ACER3: variants seen among roughly 807,000 people sequenced by gnomAD.
ACER3 encodes the protein alkCDase 3.
Under a neutral mutation model 48.9 loss-of-function variants are expected in ACER3, and 16 were observed. The ratio of observed to expected loss-of-function variants is 0.33; its 90% CI spans 0.22 to 0.50. ACER3 has a LOEUF of 0.50. Ranked by LOEUF, ACER3 falls within the 20% of genes least tolerant of loss-of-function variation. The pLI is 0.98. For missense variants in ACER3, 227 were observed against 326.0 expected (o/e 0.70, Z 2.34); for synonymous variants, 109 against 107.8 (o/e 1.01, Z -0.07).
chr11:76,964,874 GA>G (rs1948097059), intron 3 of ACER3, among the ~76,000 whole-genome samples: 1 of 151,256 alleles, frequency 6.6e-6, no homozygotes, highest in South Asian at 2.1e-4. Context: ...AAACAGAGCA[GA>G]AAAACTGGAA....
chr11:76,993,439 AT>A (rs1948843771), intron 6 of ACER3, among the ~76,000 whole-genome samples: 1 of 152,218 alleles, frequency 6.6e-6, no homozygotes, highest in African/African-American at 2.4e-5. Context: ...TCATTGTCTA[AT>A]CAGTAATACA....
At chr11:76,908,053 T>C (rs1387821917) in intron 1 of ACER3, among the ~76,000 whole-genome samples, 1 of 152,088 alleles carries the variant, frequency 6.6e-6, no homozygotes, top group Admixed American at 6.5e-5. Flanking sequence ...CTGGCCAACA[T>C]GGTGAAACCC....
intron 6 of ACER3, among the ~76,000 whole-genome samples, chr11:76,996,416 T>TATC: frequency 6.6e-6 from 1 of 151,108 alleles, no homozygotes; most frequent in Middle Eastern, 3.4e-3. Flanking sequence ...TTATTATTAT[T>TATC]ATTATTATTA....
At chr11:77,003,296 G>A (rs59296116) in intron 7 of ACER3, among the ~76,000 whole-genome samples, 3,126 of 152,118 alleles carry the variant, frequency 0.021, 110 homozygotes, top group African/African-American at 0.072. Flanking sequence ...GGTAGTTTGT[G>A]TTTCTTGAGG....
chr11:76,982,086 G>A (rs1048938927), intron 4 of ACER3, among the ~76,000 whole-genome samples: 10 of 151,942 alleles, frequency 6.6e-5, no homozygotes, highest in African/African-American at 2.2e-4. Flanking sequence ...TAGTGAGTAT[G>A]ATATACTATC....
rs150308081 is a variant in ACER3, at chr11:76,942,763, GTTC to G, written c.214+16102_214+16104del. On this transcript the variant is annotated intron_variant, in intron 2 of 10. Transcript: ENST00000532485. ...GTTAGTTTCAGGAGTATTGGTATTA[GTTC>G]TTCTTTGTATGTTTGGTAGAACTTG... Among the ~76,000 whole-genome samples the G allele has an allele frequency of 3.2e-3, 488 of 152,020 alleles. 7 individuals carry two copies. The East Asian group carries it at 0.051, about 16-fold the overall frequency.
At chr11:76,928,671 C>T (rs1946903710) in intron 2 of ACER3, among the ~76,000 whole-genome samples, 1 of 152,184 alleles carries the variant, frequency 6.6e-6, no homozygotes, top group South Asian at 2.1e-4. Context: ...TTTCAGCTTT[C>T]TACATATGGC....
chr11:77,018,648 C>T (rs982203156), intron 9 of ACER3, among the ~76,000 whole-genome samples: 7 of 152,208 alleles, frequency 4.6e-5, no homozygotes, highest in South Asian at 4.1e-4. Context: ...AGAGAACACA[C>T]GAATAGTGAA....
chr11:76,939,464 T>C (rs934393439), intron 2 of ACER3, among the ~76,000 whole-genome samples: 3 of 152,178 alleles, frequency 2.0e-5, no homozygotes, highest in African/African-American at 7.2e-5. Flanking sequence ...GGCATGGTGG[T>C]GCATGCCTGT....
At chr11:76,917,477 G>T (rs1485221769) in intron 1 of ACER3, among the ~76,000 whole-genome samples, 1 of 152,206 alleles carries the variant, frequency 6.6e-6, no homozygotes, top group Admixed American at 6.5e-5. Flanking sequence ...ACTTTGGGGG[G>T]CTGAGGTGGG....
chr11:76,889,589 A>G (rs1176253727), intron 1 of ACER3, among the ~76,000 whole-genome samples: 1 of 152,142 alleles, frequency 6.6e-6, no homozygotes, highest in East Asian at 1.9e-4. Flanking sequence ...GACTTTCACA[A>G]TCTGCCCTTT....
intron 1 of ACER3, among the ~76,000 whole-genome samples, chr11:76,870,318 G>C (rs1433597557): frequency 1.3e-5 from 2 of 151,022 alleles, no homozygotes; most frequent in East Asian, 1.9e-4. Flanking sequence ...TATTTTTGTA[G>C]AGATGAGGTC....
intron 10 of ACER3, 133 bp downstream of exon 10, chr11:77,019,909 A>C: frequency 1.1e-6 from 1 of 901,686 alleles, no homozygotes; most frequent in Non-Finnish European, 1.8e-6. Context: ...AAGGCTGTGA[A>C]TCTTTCATTT....
At chr11:76,942,392 G>A (rs1947361296) in intron 2 of ACER3, among the ~76,000 whole-genome samples, 1 of 151,714 alleles carries the variant, frequency 6.6e-6, no homozygotes, top group Non-Finnish European at 1.5e-5. Flanking sequence ...AGTTTTAATG[G>A]ATTTTTTTTT....
intron 3 of ACER3, among the ~76,000 whole-genome samples, chr11:76,972,715 G>A (rs1948337053): frequency 6.6e-6 from 1 of 152,194 alleles, no homozygotes; most frequent in Non-Finnish European, 1.5e-5. Context: ...GCCCCCAACT[G>A]GGCATTCTGA....
intron 5 of ACER3, among the ~76,000 whole-genome samples, chr11:76,989,961 GAAGCATAAGA>G (rs1948764752): frequency 6.6e-6 from 1 of 152,216 alleles, no homozygotes; most frequent in African/African-American, 2.4e-5. Flanking sequence ...GAGATTTCTG[GAAGCATAAGA>G]AAGCATAAGA....
rs1367163809 is a variant in ACER3, at chr11:76,976,307, A to G, written c.286A>G (p.Met96Val). 1.9e-6 allele frequency: 3 copies of G among 1,606,436 alleles called. No homozygotes were observed. The highest frequency in any genetic ancestry group is 4.5e-5 in the East Asian group (2 of 44,648). The change falls in exon 4 of 11, where the codon ATG (methionine) becomes GTG (valine). Residue 96 changes from methionine (M) to valine (V), a missense_variant. Physicochemically the swap from Met to Val is conservative, Grantham distance 21 (BLOSUM62 1). Coordinates refer to ENST00000532485, the MANE Select transcript of ACER3 (RefSeq NM_018367.7). ...CTTACAGCTATTGGATGAACTCCCA[A>G]TGATATACAGCTGTTGCATATTTGT... is the stretch of plus-strand genomic sequence containing the variant. The part of the protein sequence containing the change: ...YEMQLLDELP[M>V]IYSCCIFVYC...
At chr11:76,872,118 G>C (rs899317001) in intron 1 of ACER3, among the ~76,000 whole-genome samples, 1 of 144,790 alleles carries the variant, frequency 6.9e-6, no homozygotes, top group South Asian at 2.2e-4. Context: ...GCTCTGTCGC[G>C]GAGGCTGGAG....
chr11:76,929,199 A>C (rs1946923188), intron 2 of ACER3, among the ~76,000 whole-genome samples: 1 of 151,996 alleles, frequency 6.6e-6, no homozygotes, highest in Non-Finnish European at 1.5e-5. Context: ...TTGGATTCCT[A>C]GGTATTTTAT....
Sources: gnomAD v4.1 joint callset for allele counts (sites outside exome capture counted in the v4.1 genomes callset) on GRCh38, gnomAD v4.1.1 for gene constraint, MANE v1.5 for transcripts, NCBI Gene and HGNC (gene_info 2026-07-23, HGNC 2026-07-21) for gene names.